Variants in RAB9B observed in about 807,000 individuals in gnomAD.
The protein encoded by RAB9B is RAB9B, member RAS oncogene family, also known as ras-related protein Rab-9B.
Under a neutral mutation model 8.9 loss-of-function variants are expected in RAB9B, and 1 was observed. The observed-to-expected ratio is 0.11, with a 90% confidence interval of 0.04 to 0.53. The LOEUF is 0.53. Among genes scored for constraint, RAB9B ranks in the 20% least tolerant of loss-of-function variants. RAB9B has a pLI of 0.93. For missense variants in RAB9B, 82 were observed against 152.9 expected (o/e 0.54, Z 2.45); for synonymous variants, 63 against 57.0 (o/e 1.10, Z -0.47).
At chrX:103,777,942 G>C in the RAB9B span, among the ~76,000 whole-genome samples, 1 of 112,422 alleles carries the variant, frequency 8.9e-6, no homozygotes, top group African/African-American at 3.2e-5. Flanking sequence ...ATCAAATGTA[G>C]CATCCAGTAG....
At chrX:103,789,218 G>A in the RAB9B span, 1 of 618,760 alleles carries the variant, frequency 1.6e-6, no homozygotes. Context: ...TTAGAGATGT[G>A]GAATTAGCAC....
chrX:103,825,359 G>A lies in RAB9B; in HGVS notation c.426C>T (p.Cys142=). 8.3e-7 allele frequency: 1 copy of A among 1,211,426 alleles called. No homozygotes were observed. ...AATAAGGGTAATCCCCATTCTCCAT[G>A]CACCAGGTTTGTGCCTCCTCAGTAG... The part of the protein sequence containing the change: ...QVTTEEAQTW[C]MENGDYPYLE... Residue 142 remains cysteine (C), a synonymous_variant, in exon 3 of 3, where the codon TGC becomes TGT. Coordinates refer to ENST00000243298, the MANE Select transcript of RAB9B (RefSeq NM_016370.4).
At chrX:103,782,903 C>T in the RAB9B span, among the ~76,000 whole-genome samples, 4 of 112,160 alleles carry the variant, frequency 3.6e-5, no homozygotes, top group Admixed American at 9.4e-5. Context: ...TCTGTCCAAG[C>T]CCTGACCCTG....
downstream of RAB9B, among the ~76,000 whole-genome samples, chrX:103,819,425 TTC>T (rs199954209): frequency 0.028 from 3,140 of 111,943 alleles, 113 homozygotes; most frequent in African/African-American, 0.096. Context: ...TGAATCATCA[TTC>T]TCTGTGTTTC....
At chrX:103,803,906 G>C in the RAB9B span, among the ~76,000 whole-genome samples, 1 of 112,631 alleles carries the variant, frequency 8.9e-6, no homozygotes, top group Non-Finnish European at 1.9e-5. Context: ...CCAGTTCCTT[G>C]TCAGATACAT....
At chrX:103,785,794 C>G in the RAB9B span, 2 of 1,154,350 alleles carry the variant, frequency 1.7e-6, no homozygotes, top group Non-Finnish European at 2.4e-6. Flanking sequence ...CCCACACAGA[C>G]CCATCTTTTT....
chrX:103,813,969 C>T, the RAB9B span, among the ~76,000 whole-genome samples: 2 of 110,155 alleles, frequency 1.8e-5, no homozygotes, highest in African/African-American at 3.3e-5. Flanking sequence ...GATATTTAGA[C>T]TCCCACACAA....
the RAB9B span, among the ~76,000 whole-genome samples, chrX:103,802,628 G>T: frequency 8.9e-6 from 1 of 111,904 alleles, no homozygotes; most frequent in Non-Finnish European, 1.9e-5. Context: ...CCAGCTATCA[G>T]TGTATGATAG....
chrX:103,800,389 G>C, the RAB9B span, among the ~76,000 whole-genome samples: 1 of 111,585 alleles, frequency 9.0e-6, no homozygotes, highest in African/African-American at 3.3e-5. Flanking sequence ...TTGAAACCAA[G>C]TGAAGTTTCC....
rs1323146999 is a variant in RAB9B, at chrX:103,823,587, T to A, written c.*1592A>T. On this transcript the variant is annotated 3_prime_UTR_variant, in exon 3 of 3. Transcript: ENST00000243298. ...TAATTTCTGTCTGTCACTATTTTTA[T>A]CATAGATGTTTTAAAGTACAGATTA... 2 of 111,857 alleles carry A rather than the reference T, an allele frequency of 1.8e-5. No individual in the cohort carries two copies. The highest frequency in any genetic ancestry group is 3.8e-5 in the Non-Finnish European group (2 of 53,196). The allele number at this position is 111,857 out of a possible 1,213,427, so 9.2% of individuals were successfully genotyped here. A position where few individuals can be genotyped will look rare whatever the true frequency, so the allele number is the denominator to read the frequency against.
rs760039495 is a variant in RAB9B at position 103,825,432 on chromosome X, G to C, written c.353C>G (p.Pro118Arg). 8.3e-7 allele frequency: 1 copy of C among 1,209,809 alleles called. No homozygotes were observed. The highest frequency in any genetic ancestry group is 1.8e-5 in the African/African-American group (1 of 57,048). The change falls in exon 3 of 3, where the codon CCC (proline) becomes CGC (arginine). Residue 118 changes from proline (P) to arginine (R), a missense_variant. Transcript: ENST00000243298. Reference sequence around the variant, plus strand: ...TACCTTGTTACCCAGAACTACAAAGGGGAAATGCTCAGGGTCCTTCACATC... The same window carrying C: ...TACCTTGTTACCCAGAACTACAAAGCGGAAATGCTCAGGGTCCTTCACATC... The part of the protein sequence containing the change: ...YADVKDPEHF[P>R]FVVLGNKVDK...
the RAB9B span, among the ~76,000 whole-genome samples, chrX:103,811,650 T>C: frequency 9.0e-6 from 1 of 111,448 alleles, no homozygotes; most frequent in Non-Finnish European, 1.9e-5. Flanking sequence ...CTCAATTTAG[T>C]ATATACAAAA....
the RAB9B span, chrX:103,790,558 T>G: frequency 8.3e-7 from 1 of 1,207,559 alleles, no homozygotes; most frequent in African/African-American, 1.8e-5. Context: ...ACTTACAACT[T>G]TGCCGTCCTT....
chrX:103,821,625 G>A (rs1274290750), downstream of RAB9B, among the ~76,000 whole-genome samples: 2 of 112,041 alleles, frequency 1.8e-5, no homozygotes, highest in Admixed American at 1.9e-4. Context: ...ATTATTCTTT[G>A]CTTTTCTTAT....
chrX:103,788,344 A>G, the RAB9B span: 1 of 658,787 alleles, frequency 1.5e-6, no homozygotes. Context: ...AGCCAGGATA[A>G]TTAGAGATGG....
downstream of RAB9B, among the ~76,000 whole-genome samples, chrX:103,818,047 G>T (rs1290579749): frequency 9.0e-6 from 1 of 111,150 alleles, no homozygotes; most frequent in Non-Finnish European, 1.9e-5. Context: ...AGATCTATGG[G>T]AGGGGATTGC....
At chrX:103,819,098 A>T (rs72616846), downstream of RAB9B, among the ~76,000 whole-genome samples, 4,693 of 111,549 alleles carry the variant, frequency 0.042, 191 homozygotes, top group African/African-American at 0.11. Flanking sequence ...AAAAGAGATG[A>T]TATGAGCCTG....
the RAB9B span, chrX:103,786,079 C>T: frequency 9.5e-7 from 1 of 1,055,398 alleles, no homozygotes; most frequent in Non-Finnish European, 1.2e-6. Context: ...TATGGAGAAG[C>T]CAAGGGAGGC....
At chrX:103,789,213 G>C in the RAB9B span, 1 of 600,246 alleles carries the variant, frequency 1.7e-6, no homozygotes, top group Non-Finnish European at 2.9e-6. Flanking sequence ...CTTAGTTAGA[G>C]ATGTGGAATT....
Sources: allele counts gnomAD v4.1 joint callset (sites outside exome capture counted in the v4.1 genomes callset), GRCh38; gene constraint gnomAD v4.1.1; transcripts MANE v1.5; gene names NCBI Gene and HGNC (gene_info 2026-07-23, HGNC 2026-07-21).